MYO16: variants seen among roughly 807,000 people sequenced by gnomAD.
MYO16 encodes myosin XVI, also known as unconventional myosin-XVI.
A neutral mutation model predicts 205.3 loss-of-function variants in MYO16; 94 were observed. The ratio of observed to expected loss-of-function variants is 0.46; its 90% CI spans 0.39 to 0.54. The LOEUF is 0.54. MYO16 is among the 20% of genes least tolerant of loss of function. The pLI is 0.00. For synonymous variants in MYO16, 988 were observed against 954.0 expected (o/e 1.04, Z -0.66); for missense variants, 2,315 against 2,387.5 (o/e 0.97, Z 0.63).
intron 5 of MYO16, among the ~76,000 whole-genome samples, chr13:108,793,285 C>CAAAA (rs756851025): frequency 5.1e-5 from 5 of 98,870 alleles, no homozygotes; most frequent in Non-Finnish European, 8.4e-5. Flanking sequence ...GACTCTGTCT[C>CAAAA]AAAAAAAAAA....
At chr13:108,920,118 G>A (rs1405878456) in intron 16 of MYO16, among the ~76,000 whole-genome samples, 3 of 152,142 alleles carry the variant, frequency 2.0e-5, no homozygotes, top group Non-Finnish European at 4.4e-5. Flanking sequence ...CTGAAAACAT[G>A]GCAGTCATTA....
chr13:109,044,765 C>G (rs1886986239), intron 23 of MYO16, among the ~76,000 whole-genome samples: 1 of 152,172 alleles, frequency 6.6e-6, no homozygotes, highest in East Asian at 1.9e-4. Context: ...TCTCAGCTCA[C>G]TGCAGCTTCC....
At chr13:108,509,130 T>G in the MYO16 span, among the ~76,000 whole-genome samples, 2 of 152,298 alleles carry the variant, frequency 1.3e-5, no homozygotes, top group East Asian at 1.9e-4. Flanking sequence ...AAAAGATAGT[T>G]AAAAGAACAG....
At chr13:108,737,631 C>G (rs1315411218) in intron 4 of MYO16, among the ~76,000 whole-genome samples, 1 of 152,150 alleles carries the variant, frequency 6.6e-6, no homozygotes, top group Non-Finnish European at 1.5e-5. Context: ...GCTTTGGTAT[C>G]AGGATGATGT....
chr13:108,660,821 T>C (rs1241407738), intron 1 of MYO16, among the ~76,000 whole-genome samples: 4 of 152,226 alleles, frequency 2.6e-5, no homozygotes, highest in Non-Finnish European at 5.9e-5. Flanking sequence ...ATCATGCTTG[T>C]TGTTGCCTGT....
chr13:108,504,154 C>T, the MYO16 span, among the ~76,000 whole-genome samples: 1 of 152,160 alleles, frequency 6.6e-6, no homozygotes, highest in Non-Finnish European at 1.5e-5. Context: ...TGGAGCCTTG[C>T]TCTATCACCC....
chr13:108,667,909 C>T (rs1394286723), intron 2 of MYO16, among the ~76,000 whole-genome samples: 1 of 151,974 alleles, frequency 6.6e-6, no homozygotes, highest in African/African-American at 2.4e-5. Context: ...TTAGCTGGAC[C>T]TGGTGGTGCA....
intron 6 of MYO16, among the ~76,000 whole-genome samples, chr13:108,804,289 T>G (rs1887049466): frequency 6.6e-6 from 1 of 152,200 alleles, no homozygotes; most frequent in Non-Finnish European, 1.5e-5. Flanking sequence ...AATTGTAATT[T>G]TTCGTGGGAA....
intron 2 of MYO16, 138 bp downstream of exon 2, chr13:108,666,287 T>A (rs1235926070): frequency 1.0e-6 from 1 of 998,236 alleles, no homozygotes; most frequent in African/African-American, 1.6e-5. Flanking sequence ...TTTAACTGTT[T>A]GTATTATTCA....
intron 15 of MYO16, among the ~76,000 whole-genome samples, chr13:108,903,817 A>G (rs1219182260): frequency 6.6e-6 from 1 of 152,230 alleles, no homozygotes; most frequent in Non-Finnish European, 1.5e-5. Flanking sequence ...AGTCCCCTGT[A>G]AAAGCATTCT....
At chr13:108,814,298 GA>G (rs1038768357) in intron 7 of MYO16, among the ~76,000 whole-genome samples, 1 of 152,048 alleles carries the variant, frequency 6.6e-6, no homozygotes, top group African/African-American at 2.4e-5. Flanking sequence ...CAAATTTGTG[GA>G]AAACAAAGGC....
chr13:108,596,317 C>T (rs548977263), intron 1 of MYO16: 1 of 152,184 alleles, frequency 6.6e-6, no homozygotes, highest in African/African-American at 2.4e-5. Context: ...CTGCATTTTC[C>T]ACAAGTGAAT....
chr13:109,174,717 C>T (rs926199051), intron 33 of MYO16, among the ~76,000 whole-genome samples: 1 of 150,934 alleles, frequency 6.6e-6, no homozygotes, highest in Non-Finnish European at 1.5e-5. Flanking sequence ...CCATACCCCC[C>T]TTGAAAGTCT....
the MYO16 span, among the ~76,000 whole-genome samples, chr13:108,559,256 G>T: frequency 6.6e-6 from 1 of 151,936 alleles, no homozygotes; most frequent in African/African-American, 2.4e-5. Flanking sequence ...CGTGACCACA[G>T]AGGCAGAGAC....
chr13:108,664,411 C>T (rs144425432), intron 1 of MYO16, among the ~76,000 whole-genome samples: 359 of 152,288 alleles, frequency 2.4e-3, no homozygotes, highest in Non-Finnish European at 4.1e-3. Flanking sequence ...CAACCTCTCT[C>T]AACTTGGTTT....
chr13:108,559,282 A>T, the MYO16 span, among the ~76,000 whole-genome samples: 1 of 151,988 alleles, frequency 6.6e-6, no homozygotes, highest in Non-Finnish European at 1.5e-5. Flanking sequence ...TGACATATCT[A>T]TATGCCAAGG....
At chr13:108,497,749 C>G in the MYO16 span, among the ~76,000 whole-genome samples, 1 of 152,094 alleles carries the variant, frequency 6.6e-6, no homozygotes, top group Admixed American at 6.5e-5. Context: ...CTCTCCTCCA[C>G]CCCCCTGGCC....
chr13:108,821,547 C>A (rs781261264), intron 8 of MYO16, among the ~76,000 whole-genome samples: 3 of 152,172 alleles, frequency 2.0e-5, no homozygotes, highest in Non-Finnish European at 4.4e-5. Flanking sequence ...CAAGTCACAT[C>A]CTCGGCTAAC....
the MYO16 span, among the ~76,000 whole-genome samples, chr13:108,558,957 A>G: frequency 4.0e-5 from 6 of 151,710 alleles, no homozygotes; most frequent in East Asian, 5.8e-4. Flanking sequence ...ACACAGATCA[A>G]TGAAGCAGTG....
Sources: allele counts gnomAD v4.1 joint callset (sites outside exome capture counted in the v4.1 genomes callset), GRCh38; gene constraint gnomAD v4.1.1; transcripts MANE v1.5; gene names NCBI Gene and HGNC (gene_info 2026-07-23, HGNC 2026-07-21).